The following NBAS variants were observed in gnomAD, a reference collection of about 807,000 sequenced individuals.
NBAS encodes the protein NAG/BC035112 fusion.
A neutral mutation model predicts 302.5 loss-of-function variants in NBAS; 219 were observed. The ratio of observed to expected loss-of-function variants is 0.72; its 90% CI spans 0.65 to 0.81. The LOEUF (loss-of-function observed/expected upper bound fraction) is 0.81, where lower values mean the gene tolerates loss of function less well. NBAS is among the 30% of genes least tolerant of loss of function. The pLI is 0.00. For synonymous variants in NBAS, 1,118 were observed against 1,021.6 expected (o/e 1.09, Z -1.80); for missense variants, 2,932 against 2,841.6 (o/e 1.03, Z -0.72).
chr2:15,529,812 C>A (rs1400537639), intron 9 of NBAS, among the ~76,000 whole-genome samples: 1 of 152,114 alleles, frequency 6.6e-6, no homozygotes, highest in Non-Finnish European at 1.5e-5. Context: ...AACATATTAA[C>A]CATTGAAAGG....
In NBAS at chr2:15,508,250, G is replaced by T. The variant is rs1488491500; in HGVS notation, c.885+2962C>A. 2.6e-5 allele frequency among the ~76,000 whole-genome samples: 4 copies of T among 152,250 alleles called. No homozygotes were observed. The East Asian group carries it at 7.7e-4, about 29-fold the overall frequency. On this transcript the variant is annotated intron_variant, in intron 10 of 51. Transcript: ENST00000281513. ...GCGCACAAGCAATTTTCTTTTAAAA[G>T]ACTTCAATACCGAAGCCTCAGGCCA... is the stretch of plus-strand genomic sequence containing the variant.
intron 25 of NBAS, among the ~76,000 whole-genome samples, chr2:15,403,400 T>C (rs1221697409): frequency 6.6e-6 from 1 of 152,226 alleles, no homozygotes; most frequent in African/African-American, 2.4e-5. Flanking sequence ...CTTCCCTGGA[T>C]TCAACCAGCC....
intron 35 of NBAS, among the ~76,000 whole-genome samples, chr2:15,348,384 C>T (rs561354155): frequency 5.9e-5 from 9 of 152,214 alleles, no homozygotes; most frequent in East Asian, 3.9e-4. Flanking sequence ...CATTTACTGA[C>T]GGGATTTAAT....
chr2:15,369,956 C>T (rs377186407), intron 31 of NBAS, among the ~76,000 whole-genome samples: 5 of 152,276 alleles, frequency 3.3e-5, no homozygotes, highest in African/African-American at 1.2e-4. Context: ...AACAGAGGCC[C>T]ACAACATATG....
chr2:15,514,023 T>C (rs991803012), intron 9 of NBAS, among the ~76,000 whole-genome samples: 2 of 152,170 alleles, frequency 1.3e-5, no homozygotes, highest in East Asian at 1.9e-4. Context: ...AGTCTGGATA[T>C]TTGAAGATAC....
chr2:14,831,019 C>T, the NBAS span, among the ~76,000 whole-genome samples: 1 of 152,152 alleles, frequency 6.6e-6, no homozygotes, highest in Non-Finnish European at 1.5e-5. Flanking sequence ...ACACCATTGC[C>T]CACGGCCTGG....
At chr2:14,933,533 G>A in the NBAS span, among the ~76,000 whole-genome samples, 27 of 152,272 alleles carry the variant, frequency 1.8e-4, no homozygotes, top group South Asian at 5.2e-3. Context: ...TATGCAAAGT[G>A]CACAGATAAC....
chr2:15,386,666 G>A lies in NBAS; in HGVS notation c.3258-3349C>T, dbSNP rs139467494. ...ATAGCAGCATCTCCACCTACTGTCC[G>A]GCAAGCACCTCCAAGTCATAGTTAC... is the stretch of plus-strand genomic sequence containing the variant. On this transcript the variant is annotated intron_variant, in intron 28 of 51. Coordinates refer to ENST00000281513, the MANE Select transcript of NBAS (RefSeq NM_015909.4). Among the ~76,000 whole-genome samples the A allele has an allele frequency of 2.9e-3, 445 of 152,102 alleles. 1 individual carries two copies. Among genetic ancestry groups the A allele is most frequent in the African/African-American group, 0.01 (425 of 41,486 alleles).
the NBAS span, among the ~76,000 whole-genome samples, chr2:15,144,090 T>C: frequency 6.8e-6 from 1 of 146,298 alleles, no homozygotes; most frequent in Non-Finnish European, 1.5e-5. Flanking sequence ...TCTGTCCCTC[T>C]AGAGAAACCT....
chr2:15,388,926 AG>A (rs200963798), intron 28 of NBAS, among the ~76,000 whole-genome samples: 7,284 of 151,694 alleles, frequency 0.048, 248 homozygotes, highest in Non-Finnish European at 0.068. Context: ...AGTAAAAAAA[AG>A]AGGCAAAGTT....
the NBAS span, among the ~76,000 whole-genome samples, chr2:14,855,549 G>C: frequency 2.6e-5 from 4 of 152,044 alleles, no homozygotes; most frequent in Admixed American, 2.6e-4. Context: ...TGCCATGAAT[G>C]GTGAGTCCCA....
intron 42 of NBAS, among the ~76,000 whole-genome samples, chr2:15,280,131 T>C (rs1459657906): frequency 1.3e-5 from 2 of 152,316 alleles, no homozygotes; most frequent in South Asian, 2.1e-4. Context: ...CAGAAATAAA[T>C]TATTCATACT....
At chr2:14,798,439 A>G in the NBAS span, among the ~76,000 whole-genome samples, 1 of 152,182 alleles carries the variant, frequency 6.6e-6, no homozygotes, top group East Asian at 1.9e-4. Context: ...CCACTTGTTC[A>G]TGATGTAATT....
At chr2:15,376,410 G>C (rs1421459353) in intron 30 of NBAS, among the ~76,000 whole-genome samples, 6 of 152,130 alleles carry the variant, frequency 3.9e-5, no homozygotes, top group East Asian at 1.9e-4. Context: ...AAAAGATTGA[G>C]GTGAAATACA....
chr2:15,292,419 T>A, intron 41 of NBAS, 118 bp downstream of exon 41: 1 of 1,061,644 alleles, frequency 9.4e-7, no homozygotes, highest in Non-Finnish European at 1.4e-6. Context: ...GGGAAAGCCC[T>A]ATTCATAGCA....
chr2:14,904,766 T>C, the NBAS span, among the ~76,000 whole-genome samples: 4 of 152,278 alleles, frequency 2.6e-5, no homozygotes, highest in South Asian at 8.3e-4. Context: ...AAAGTAACTC[T>C]AGGCCGGGCG....
At chr2:15,252,798 G>A (rs1668424824) in intron 44 of NBAS, among the ~76,000 whole-genome samples, 1 of 152,082 alleles carries the variant, frequency 6.6e-6, no homozygotes, top group South Asian at 2.1e-4. Context: ...GCTAGGCCTG[G>A]CCTTGGCACA....
chr2:15,161,079 G>A, the NBAS span, among the ~76,000 whole-genome samples: 28 of 152,286 alleles, frequency 1.8e-4, no homozygotes, highest in East Asian at 5.4e-3. Context: ...TTCTCAAGGA[G>A]TGTGGAGTTG....
Position 15,264,435 on chromosome 2 carries a change from T to C in NBAS, c.5724+11049A>G, listed in dbSNP as rs537077943. Among the ~76,000 whole-genome samples the C allele has an allele frequency of 3.0e-4, 46 of 152,304 alleles. No individual in the cohort carries two copies. The South Asian group carries it at 9.1e-3, about 30-fold the overall frequency. On this transcript the variant is annotated intron_variant, in intron 44 of 51. Transcript: ENST00000281513. ...GAGCAGAATGCATTAGCATTTATGA[T>C]TGTACTGCGTACATGGTCCTTTGGC...
Sources: allele counts gnomAD v4.1 joint callset (sites outside exome capture counted in the v4.1 genomes callset), GRCh38; gene constraint gnomAD v4.1.1; transcripts MANE v1.5; gene names NCBI Gene and HGNC (gene_info 2026-07-23, HGNC 2026-07-21).